RFX3: variants seen among roughly 807,000 people sequenced by gnomAD.
RFX3 encodes the protein regulatory factor X3.
In RFX3, 14 loss-of-function variants were observed where a neutral mutation model predicts 98.6. The observed-to-expected ratio is 0.14, with a 90% CI of 0.09 to 0.22. RFX3 has a LOEUF of 0.22. Among genes scored for constraint, RFX3 ranks in the 10% least tolerant of loss-of-function variants. The pLI is 1.00. For synonymous variants in RFX3, 383 were observed against 328.4 expected (o/e 1.17, Z -1.80); for missense variants, 639 against 926.9 (o/e 0.69, Z 4.03).
rs1564205525 is a variant in RFX3 at position 3,524,872 on chromosome 9, CA to C, written c.-9+874del. 8.1e-3 allele frequency among the ~76,000 whole-genome samples: 853 copies of C among 104,894 alleles called. 5 individuals are homozygous for C. The highest frequency in any genetic ancestry group is 0.024 in the East Asian group (31 of 1,318). The allele number at this position is 104,894 out of a possible 152,430, so 68.8% of individuals were successfully genotyped here. On this transcript the variant is annotated intron_variant, in intron 1 of 16. Coordinates refer to ENST00000617270, the MANE Select transcript of RFX3 (RefSeq NM_001282116.2). The stretch of plus-strand genomic sequence containing the variant: ...ACACACACACACACACACACACACA[CA>C]CACACCAAAGAAGAGAGAGGAGACA...
intron 4 of RFX3, among the ~76,000 whole-genome samples, chr9:3,311,485 A>G (rs568277101): frequency 6.6e-6 from 1 of 152,342 alleles, no homozygotes; most frequent in South Asian, 2.1e-4. Flanking sequence ...CAACAAAAGA[A>G]AGAACACTTC....
intron 1 of RFX3, among the ~76,000 whole-genome samples, chr9:3,486,691 A>C (rs1850303043): frequency 6.6e-6 from 1 of 152,208 alleles, no homozygotes; most frequent in African/African-American, 2.4e-5. Flanking sequence ...ATTCATGCTC[A>C]TATCTAAAAG....
intron 2 of RFX3, among the ~76,000 whole-genome samples, chr9:3,379,411 A>G (rs921546369): frequency 1.3e-5 from 2 of 152,188 alleles, no homozygotes; most frequent in Non-Finnish European, 2.9e-5. Flanking sequence ...AGTACAATGA[A>G]GTTGGGTTTT....
At chr9:3,236,674 G>T (rs1178079356) in intron 15 of RFX3, among the ~76,000 whole-genome samples, 1 of 152,158 alleles carries the variant, frequency 6.6e-6, no homozygotes, top group Non-Finnish European at 1.5e-5. Flanking sequence ...GGACACAGCA[G>T]GACACACAAA....
At chr9:3,445,631 T>C (rs940932135) in intron 1 of RFX3, among the ~76,000 whole-genome samples, 1 of 152,158 alleles carries the variant, frequency 6.6e-6, no homozygotes, top group African/African-American at 2.4e-5. Flanking sequence ...AATTTATTTT[T>C]TAAAAATACA....
chr9:3,459,341 G>T lies in RFX3; in HGVS notation c.-8-63745C>A, dbSNP rs568637764. Among the ~76,000 whole-genome samples, 4 of 152,194 alleles carry T rather than the reference G, an allele frequency of 2.6e-5. No homozygotes were observed. The East Asian group carries it at 7.7e-4, about 29-fold the overall frequency. ...AGAATCAAAGGAATTTTACCAAAGG[G>T]TTCTCATTCAGATAAACAGGAAGAA... On this transcript the variant is annotated intron_variant, in intron 1 of 16. Transcript: ENST00000617270.
intron 1 of RFX3, among the ~76,000 whole-genome samples, chr9:3,468,176 G>A (rs1485304367): frequency 3.9e-5 from 6 of 152,046 alleles, no homozygotes; most frequent in South Asian, 4.1e-4. Flanking sequence ...TGTATTACTC[G>A]GCTTCTTCAA....
At chr9:3,313,593 C>G (rs761550000) in intron 4 of RFX3, among the ~76,000 whole-genome samples, 2 of 152,228 alleles carry the variant, frequency 1.3e-5, no homozygotes, top group South Asian at 4.1e-4. Flanking sequence ...GGAGGATGTT[C>G]GAACCCATCA....
intron 1 of RFX3, among the ~76,000 whole-genome samples, chr9:3,525,048 G>A (rs899342279): frequency 6.6e-6 from 1 of 151,674 alleles, no homozygotes; most frequent in Non-Finnish European, 1.5e-5. Flanking sequence ...ACTGTTTGCC[G>A]CACAAAGAAA....
chr9:3,312,750 T>C (rs1830110337), intron 4 of RFX3, among the ~76,000 whole-genome samples: 1 of 152,144 alleles, frequency 6.6e-6, no homozygotes. Flanking sequence ...CCCACGCCCA[T>C]GGAGCCTCGC....
chr9:3,401,821 G>A (rs1841495800), intron 1 of RFX3, among the ~76,000 whole-genome samples: 1 of 152,136 alleles, frequency 6.6e-6, no homozygotes, highest in Non-Finnish European at 1.5e-5. Context: ...GCTGAATCAT[G>A]CGAATCTACA....
chr9:3,502,241 C>G (rs149005779), intron 1 of RFX3, among the ~76,000 whole-genome samples: 1,970 of 150,456 alleles, frequency 0.013, 31 homozygotes, highest in African/African-American at 0.036. Context: ...CTGGGAGACA[C>G]AGCAAGACTC....
At chr9:3,394,913 T>C (rs933771409) in intron 2 of RFX3, 7 of 821,112 alleles carry the variant, frequency 8.5e-6, no homozygotes, top group Middle Eastern at 6.1e-4. Context: ...AAATATCTGA[T>C]GATGAATTCA....
rs1837593116 is a variant in RFX3 at position 3,369,772 on chromosome 9, T to C, written c.118-23008A>G. Among the ~76,000 whole-genome samples the C allele has an allele frequency of 5.3e-5, 8 of 152,286 alleles. 1 individual carries two copies. The South Asian group carries it at 1.7e-3, about 32-fold the overall frequency. The stretch of plus-strand genomic sequence containing the variant: ...GGATCACAAATTGCTGATGACTAAT[T>C]TGGGGCTCAATTAATGACGAATTAG... On this transcript the variant is annotated intron_variant, in intron 2 of 16. Transcript: ENST00000617270.
chr9:3,429,431 T>C (rs1844444225), intron 1 of RFX3, among the ~76,000 whole-genome samples: 1 of 150,020 alleles, frequency 6.7e-6, no homozygotes, highest in South Asian at 2.1e-4. Context: ...ATATATATAA[T>C]ATAATATAAT....
In RFX3 at chr9:3,367,406, G is replaced by C. The variant is rs186221972; in HGVS notation, c.118-20642C>G. Among the ~76,000 whole-genome samples, 37 of 152,204 alleles carry C rather than the reference G, an allele frequency of 2.4e-4. No homozygotes were observed. The East Asian group carries it at 2.9e-3, about 12-fold the overall frequency. On this transcript the variant is annotated intron_variant, in intron 2 of 16. Transcript: ENST00000617270. ...GAGCTTGGAATGGATCCTTCCCCAGGATCTCTAAACAAAAGCCCCATGTGA... is the reference window on the plus strand; with the variant it reads ...GAGCTTGGAATGGATCCTTCCCCAGCATCTCTAAACAAAAGCCCCATGTGA...
intron 4 of RFX3, among the ~76,000 whole-genome samples, chr9:3,323,206 A>G (rs143248240): frequency 7.5e-4 from 114 of 152,330 alleles, no homozygotes; most frequent in African/African-American, 2.7e-3. Flanking sequence ...ACTAATATGC[A>G]CAGGAACATG....
chr9:3,518,344 G>A (rs576901282), intron 1 of RFX3, among the ~76,000 whole-genome samples: 7 of 152,184 alleles, frequency 4.6e-5, no homozygotes, highest in Non-Finnish European at 8.8e-5. Context: ...AGGAAGCAGA[G>A]GAGGTGGCTA....
intron 4 of RFX3, among the ~76,000 whole-genome samples, chr9:3,305,082 G>C (rs1283329243): frequency 6.6e-6 from 1 of 151,992 alleles, no homozygotes; most frequent in African/African-American, 2.4e-5. Context: ...AAGTGTTCAG[G>C]GGGTAAAAGG....
Sources: gnomAD v4.1 joint callset for allele counts (sites outside exome capture counted in the v4.1 genomes callset) on GRCh38, gnomAD v4.1.1 for gene constraint, MANE v1.5 for transcripts, NCBI Gene and HGNC (gene_info 2026-07-23, HGNC 2026-07-21) for gene names.